The following PRICKLE2 variants were observed in gnomAD, a reference collection of about 807,000 sequenced individuals.
PRICKLE2 encodes the protein prickle-like protein 2.
A neutral mutation model predicts 81.4 loss-of-function variants in PRICKLE2; 21 were observed. The observed-to-expected ratio is 0.26, with a 90% confidence interval of 0.18 to 0.37. The LOEUF (loss-of-function observed/expected upper bound fraction) is 0.37, where lower values mean the gene tolerates loss of function less well. Among genes scored for constraint, PRICKLE2 ranks in the 10% least tolerant of loss-of-function variants. The pLI is 1.00. For missense variants in PRICKLE2, 940 were observed against 1,109.0 expected (o/e 0.85, Z 2.16); for synonymous variants, 456 against 421.5 (o/e 1.08, Z -1.00).
At chr3:64,141,963 A>G (rs1271830862) in intron 7 of PRICKLE2, 1 of 983,660 alleles carries the variant, frequency 1.0e-6, no homozygotes, top group Admixed American at 6.2e-5. Flanking sequence ...CTAGGATTTA[A>G]AGATATGCAG....
intron 2 of PRICKLE2, among the ~76,000 whole-genome samples, chr3:64,242,004 T>C (rs1340102950): frequency 6.6e-6 from 1 of 152,102 alleles, no homozygotes; most frequent in African/African-American, 2.4e-5. Flanking sequence ...GGAGGAGAAA[T>C]CCCTCCATGT....
At chr3:64,109,544 G>A (rs1193072575) in intron 7 of PRICKLE2, among the ~76,000 whole-genome samples, 1 of 152,064 alleles carries the variant, frequency 6.6e-6, no homozygotes, top group East Asian at 1.9e-4. Context: ...TCTGCCAGCT[G>A]CACTGGGGAA....
intron 7 of PRICKLE2, among the ~76,000 whole-genome samples, chr3:64,120,525 C>T (rs1420467597): frequency 6.6e-6 from 1 of 152,090 alleles, no homozygotes. Flanking sequence ...CTAAGGCAAC[C>T]TCTTCTCAAG....
At chr3:64,118,863 A>ACTCC (rs78076903) in intron 7 of PRICKLE2, among the ~76,000 whole-genome samples, 3 of 151,944 alleles carry the variant, frequency 2.0e-5, no homozygotes, top group Admixed American at 6.5e-5. Flanking sequence ...CAACCCAGCA[A>ACTCC]ATAAATATTA....
intron 7 of PRICKLE2, among the ~76,000 whole-genome samples, chr3:64,143,480 C>T (rs2077396019): frequency 6.6e-6 from 1 of 152,140 alleles, no homozygotes; most frequent in South Asian, 2.1e-4. Context: ...CCACTCCCTC[C>T]TTAGGAATGG....
upstream of PRICKLE2, among the ~76,000 whole-genome samples, chr3:64,228,536 GT>G (rs55638435): frequency 4.7e-5 from 7 of 148,246 alleles, no homozygotes; most frequent in East Asian, 4.0e-4. Context: ...CTAATGAGGT[GT>G]TTTTTTTTTT....
In PRICKLE2 at chr3:64,198,863, C is replaced by T. The variant is rs1363718419; in HGVS notation, c.65G>A (p.Arg22Lys). The T allele has an allele frequency of 1.2e-6, 2 of 1,614,210 alleles. No homozygotes were observed. The highest frequency in any genetic ancestry group is 3.3e-5 in the Admixed American group (2 of 60,022). The part of the protein sequence containing the change: ...TISKLMFDFQ[R>K]NSTSDDDSGC... ...TGAGTCATCATCTGAGGTCGAGTTCCTCTGAAAGTCAAACATGAGTTTGCT... is the reference window on the plus strand; with the variant it reads ...TGAGTCATCATCTGAGGTCGAGTTCTTCTGAAAGTCAAACATGAGTTTGCT... The change falls in exon 2 of 8, where the codon AGG becomes AAG. Residue 22 changes from arginine (R) to lysine (K), a missense_variant. Transcript: ENST00000638394.
chr3:64,160,193 G>C, intron 3 of PRICKLE2, 116 bp from the exon 4 acceptor site: 1 of 1,122,804 alleles, frequency 8.9e-7, no homozygotes, highest in Non-Finnish European at 1.3e-6. Context: ...TATAGCCCTC[G>C]CCTGAACTTT....
At chr3:64,230,842 A>G (rs2079092428) in intron 2 of PRICKLE2, among the ~76,000 whole-genome samples, 1 of 152,218 alleles carries the variant, frequency 6.6e-6, no homozygotes, top group South Asian at 2.1e-4. Flanking sequence ...CCTAGCATAT[A>G]GTAGGTGTTA....
At chr3:64,208,108 G>A (rs1229527715) in intron 1 of PRICKLE2, among the ~76,000 whole-genome samples, 1 of 152,174 alleles carries the variant, frequency 6.6e-6, no homozygotes, top group Non-Finnish European at 1.5e-5. Flanking sequence ...TTTTAGGAGG[G>A]AATTAGGTGT....
chr3:64,195,047 A>G (rs1371462176), intron 2 of PRICKLE2, among the ~76,000 whole-genome samples: 2 of 152,152 alleles, frequency 1.3e-5, no homozygotes, highest in Non-Finnish European at 1.5e-5. Flanking sequence ...CTCTTAAAAA[A>G]ATAAAAATAA....
chr3:64,093,807 A>C lies in PRICKLE2; in HGVS notation c.*5244T>G, dbSNP rs1184458634. 2 of 152,256 alleles carry C rather than the reference A, an allele frequency of 1.3e-5. No homozygotes were observed. The highest frequency in any genetic ancestry group is 2.9e-5 in the Non-Finnish European group (2 of 68,042). 9.4% of individuals were successfully genotyped at this position (152,256 alleles called of 1,614,324 possible). Reference sequence around the variant, plus strand: ...CTTTCTTTTCTTTGTTGAAATGCTCAAAGGCAGAGACCACCCCTAAAATCT... The same window carrying C: ...CTTTCTTTTCTTTGTTGAAATGCTCCAAGGCAGAGACCACCCCTAAAATCT... On this transcript the variant is annotated 3_prime_UTR_variant, in exon 8 of 8. Transcript: ENST00000638394.
At chr3:64,163,552 C>A (rs900429571) in intron 2 of PRICKLE2, 7 of 242,792 alleles carry the variant, frequency 2.9e-5, no homozygotes, top group African/African-American at 1.6e-4. Flanking sequence ...GAGTTAAAGC[C>A]AGTCTTTGGC....
intron 7 of PRICKLE2, among the ~76,000 whole-genome samples, chr3:64,138,414 T>A (rs1269843120): frequency 6.6e-6 from 1 of 152,190 alleles, no homozygotes; most frequent in East Asian, 1.9e-4. Context: ...ATAGGGAAGA[T>A]CAATACTTTT....
At chr3:64,168,232 C>T (rs1257434363) in intron 2 of PRICKLE2, among the ~76,000 whole-genome samples, 1 of 152,078 alleles carries the variant, frequency 6.6e-6, no homozygotes, top group African/African-American at 2.4e-5. Flanking sequence ...ACTTTCTTGG[C>T]CGATTTCAGA....
intron 5 of PRICKLE2, among the ~76,000 whole-genome samples, chr3:64,156,596 G>A (rs1199193552): frequency 6.6e-6 from 1 of 152,172 alleles, no homozygotes; most frequent in East Asian, 1.9e-4. Context: ...GTTCTATCCT[G>A]CTTTCTTACA....
At chr3:64,144,369 A>C (rs1217861321) in intron 7 of PRICKLE2, among the ~76,000 whole-genome samples, 1 of 152,226 alleles carries the variant, frequency 6.6e-6, no homozygotes, top group African/African-American at 2.4e-5. Flanking sequence ...CCTCCCTCAC[A>C]GTGTTATGAC....
intron 2 of PRICKLE2, among the ~76,000 whole-genome samples, chr3:64,165,963 G>GGTGTGTGT (rs67554015): frequency 0.012 from 756 of 61,770 alleles, 4 homozygotes; most frequent in Admixed American, 0.017. Flanking sequence ...CTGTTATAAA[G>GGTGTGTGT]GTGTGTGTGT....
intron 4 of PRICKLE2, among the ~76,000 whole-genome samples, chr3:64,158,602 G>A (rs574037573): frequency 6.6e-6 from 1 of 152,240 alleles, no homozygotes; most frequent in South Asian, 2.1e-4. Flanking sequence ...CCCACAAAAT[G>A]CCCAACCTTC....
Sources: allele counts gnomAD v4.1 joint callset (sites outside exome capture counted in the v4.1 genomes callset), GRCh38; gene constraint gnomAD v4.1.1; transcripts MANE v1.5; gene names NCBI Gene and HGNC (gene_info 2026-07-23, HGNC 2026-07-21).